The following KAT6B variants were observed in gnomAD, a reference collection of about 807,000 sequenced individuals.
KAT6B encodes the protein histone acetyltransferase KAT6B.
A neutral mutation model predicts 187.5 loss-of-function variants in KAT6B; 10 were observed. The ratio of observed to expected loss-of-function variants is 0.05; its 90% CI spans 0.03 to 0.09. The LOEUF is 0.09. Among genes scored for constraint, KAT6B ranks in the 10% least tolerant of loss-of-function variants. The pLI is 1.00. For synonymous variants in KAT6B, 861 were observed against 926.8 expected (o/e 0.93, Z 1.29); for missense variants, 1,952 against 2,558.9 (o/e 0.76, Z 5.12).
intron 16 of KAT6B, 120 bp downstream of exon 16, chr10:75,022,351 C>T (rs1845496897): frequency 9.4e-7 from 1 of 1,060,376 alleles, no homozygotes; most frequent in Admixed American, 1.7e-5. Context: ...TTTATGTGTA[C>T]CCAGTCCCGC....
At chr10:74,961,098 A>G (rs1203705587) in intron 4 of KAT6B, among the ~76,000 whole-genome samples, 2 of 152,180 alleles carry the variant, frequency 1.3e-5, no homozygotes, top group South Asian at 2.1e-4. Context: ...TGCTTGAAAA[A>G]TGCATTCTGA....
At chr10:74,876,060 C>G (rs1377627571) in intron 3 of KAT6B, among the ~76,000 whole-genome samples, 1 of 152,156 alleles carries the variant, frequency 6.6e-6, no homozygotes, top group Non-Finnish European at 1.5e-5. Flanking sequence ...CAAATAGATT[C>G]CTTTTTAATT....
intron 3 of KAT6B, among the ~76,000 whole-genome samples, chr10:74,955,124 A>G (rs1309466007): frequency 2.0e-5 from 3 of 152,162 alleles, no homozygotes; most frequent in Non-Finnish European, 4.4e-5. Flanking sequence ...ACATTCTCCC[A>G]TATACTTTAA....
chr10:74,983,154 TTC>T (rs1257311098), intron 11 of KAT6B: 2 of 152,218 alleles, frequency 1.3e-5, no homozygotes, highest in African/African-American at 4.8e-5. Context: ...GATATATTAG[TTC>T]TTACTAAAAG....
Position 75,030,381 on chromosome 10 carries a change from T to G in KAT6B, c.5557T>G (p.Leu1853Val). ...AAACAGTGCCTCTTTGTCCACACCA[T>G]TAAGTAACACAGGGCTTGTTCAACT... ...YANSASLSTP[L>V]SNTGLVQLSQ... The change falls in exon 18 of 18, where the codon TTA (leucine) becomes GTA (valine). Residue 1853 changes from leucine (L) to valine (V), a missense_variant. This residue lies in a region of KAT6B where 358 missense variants were observed against 436.3 expected (regional missense o/e 0.82). Coordinates refer to ENST00000287239, the MANE Select transcript of KAT6B (RefSeq NM_012330.4). The surrounding 1 kb of genome is among the most constrained non-coding windows in gnomAD (Gnocchi z 4.8). 4.3e-6 allele frequency: 7 copies of G among 1,614,228 alleles called. No homozygotes were observed. Among genetic ancestry groups the G allele is most frequent in the Non-Finnish European group, 5.9e-6 (7 of 1,180,030 alleles).
At chr10:74,890,036 T>A (rs1349993309) in intron 3 of KAT6B, among the ~76,000 whole-genome samples, 2 of 150,348 alleles carry the variant, frequency 1.3e-5, no homozygotes, top group Non-Finnish European at 3.0e-5. Flanking sequence ...AATTTGGACA[T>A]GTAATTTTTT....
chr10:75,022,966 T>G (rs977514536), intron 16 of KAT6B, among the ~76,000 whole-genome samples: 15 of 152,210 alleles, frequency 9.9e-5, no homozygotes, highest in Non-Finnish European at 2.1e-4. Context: ...CTCTTCATGC[T>G]GTTTCTTTCT....
Position 74,842,961 on chromosome 10 carries a change from C to T in KAT6B, c.104C>T (p.Ala35Val), listed in dbSNP as rs772997103. Residue 35 changes from alanine (A) to valine (V), a missense_variant, in exon 3 of 18, where the codon GCG becomes GTG. Coordinates refer to ENST00000287239, the MANE Select transcript of KAT6B (RefSeq NM_012330.4). Reference sequence around the variant, plus strand: ...CCCTCTGAAGAGAGAATCTGCCATGCGGTCAGTACTTCCCATGGGTTGGAT... The same window carrying T: ...CCCTCTGAAGAGAGAATCTGCCATGTGGTCAGTACTTCCCATGGGTTGGAT... ...QRPSEERICH[A>V]VSTSHGLDKK... 2.8e-5 allele frequency: 45 copies of T among 1,614,042 alleles called. No homozygotes were observed. Among genetic ancestry groups the T allele is most frequent in the Middle Eastern group, 1.6e-4 (1 of 6,084 alleles).
chr10:74,913,639 C>T lies in KAT6B; in HGVS notation c.622-46331C>T, dbSNP rs75831920. ...CTTGCTAAAGAAGTACTTTATTATT[C>T]GATGTTAGTCCAGCAACAACTTATA... On this transcript the variant is annotated intron_variant, in intron 3 of 17. Coordinates refer to ENST00000287239, the MANE Select transcript of KAT6B (RefSeq NM_012330.4). Among the ~76,000 whole-genome samples the T allele has an allele frequency of 5.6e-3, 850 of 152,262 alleles. 49 individuals are homozygous for T. The South Asian group carries it at 0.11, about 19-fold the overall frequency.
intron 3 of KAT6B, among the ~76,000 whole-genome samples, chr10:74,933,847 T>G (rs1211705539): frequency 6.6e-6 from 1 of 152,092 alleles, no homozygotes; most frequent in Non-Finnish European, 1.5e-5. Context: ...TAATAAAAAT[T>G]TCAAGGGATT....
chr10:75,025,327 G>A (rs560169809), intron 17 of KAT6B, 78 bp downstream of exon 17: 33 of 1,465,298 alleles, frequency 2.3e-5, no homozygotes, highest in Middle Eastern at 2.3e-4. Context: ...GGCCTCTGGC[G>A]TGATGCCCAG....
At chr10:75,019,309 C>T (rs1416459746) in intron 13 of KAT6B, among the ~76,000 whole-genome samples, 1 of 152,200 alleles carries the variant, frequency 6.6e-6, no homozygotes, top group Admixed American at 6.5e-5. Flanking sequence ...CAGATTAAAG[C>T]CATCAAAATG....
chr10:75,030,479 T>A lies in KAT6B; in HGVS notation c.5655T>A (p.Thr1885=). The change falls in exon 18 of 18, where the codon ACT becomes ACA. Residue 1885 remains threonine (T), a synonymous_variant. Transcript: ENST00000287239. The surrounding 1 kb of genome is among the most constrained non-coding windows in gnomAD (Gnocchi z 4.8). ...CCATGACCCCACCCCCCAACCTGACTCCTCCTCCAATGAATCTGCCGCCGC... is the reference window on the plus strand; with the variant it reads ...CCATGACCCCACCCCCCAACCTGACACCTCCTCCAATGAATCTGCCGCCGC... The part of the protein sequence containing the change: ...QATMTPPPNL[T]PPPMNLPPPL... 1 of 1,612,450 alleles carries A rather than the reference T, an allele frequency of 6.2e-7. No homozygotes were observed. Among genetic ancestry groups the A allele is most frequent in the Non-Finnish European group, 8.5e-7 (1 of 1,178,764 alleles).
intron 8 of KAT6B, 101 bp from the exon 9 acceptor site, chr10:74,977,215 C>A (rs1842215196): frequency 7.9e-7 from 1 of 1,272,668 alleles, no homozygotes; most frequent in Non-Finnish European, 1.1e-6. Context: ...AAAAAAATCC[C>A]TATTTGCCCA....
chr10:75,000,251 C>T (rs1450764698), intron 13 of KAT6B, among the ~76,000 whole-genome samples: 4 of 151,096 alleles, frequency 2.6e-5, no homozygotes, highest in Admixed American at 6.6e-5. Context: ...GACACAGGAA[C>T]CTAGTTGTCT....
chr10:75,028,955 T>C lies in KAT6B; in HGVS notation c.4131T>C (p.Asn1377=). ...EEGEEEEGGG[N]VEKDPDGAKS... ...GGGAAGAAGAAGAAGGAGGAGGAAATGTAGAAAAAGATCCAGATGGTGCTA... is the reference window on the plus strand; with the variant it reads ...GGGAAGAAGAAGAAGGAGGAGGAAACGTAGAAAAAGATCCAGATGGTGCTA... The change falls in exon 18 of 18, where the codon AAT becomes AAC. Residue 1377 remains asparagine, a synonymous_variant. Transcript: ENST00000287239. 1 of 1,609,852 alleles carries C rather than the reference T, an allele frequency of 6.2e-7. No individual in the cohort carries two copies. The highest frequency in any genetic ancestry group is 8.5e-7 in the Non-Finnish European group (1 of 1,178,116).
chr10:74,896,832 T>C (rs183298501), intron 3 of KAT6B, among the ~76,000 whole-genome samples: 1 of 152,332 alleles, frequency 6.6e-6, no homozygotes, highest in Non-Finnish European at 1.5e-5. Context: ...TGAATTCTGC[T>C]TGTTTTAAAT....
chr10:74,985,325 T>G, intron 12 of KAT6B, 84 bp downstream of exon 12: 1 of 1,271,318 alleles, frequency 7.9e-7, no homozygotes, highest in Non-Finnish European at 1.1e-6. Flanking sequence ...GGCTTTTTCA[T>G]TACTATAATT....
At chr10:75,004,576 A>C (rs1456283052) in intron 13 of KAT6B, among the ~76,000 whole-genome samples, 1 of 152,232 alleles carries the variant, frequency 6.6e-6, no homozygotes, top group Admixed American at 6.5e-5. Context: ...GTAGAGGGTC[A>C]GACACAAAAT....
Sources: allele counts gnomAD v4.1 joint callset (sites outside exome capture counted in the v4.1 genomes callset), GRCh38; gene constraint gnomAD v4.1.1; regional missense constraint gnomAD v4.1.1; non-coding constraint Gnocchi (gnomAD v3.1); transcripts MANE v1.5; gene names NCBI Gene and HGNC (gene_info 2026-07-23, HGNC 2026-07-21).